Variants in GREB1 observed in about 807,000 individuals in gnomAD.
The protein encoded by GREB1 is protein GREB1.
In GREB1, 106 loss-of-function variants were observed where a neutral mutation model predicts 200.7. That is an observed-to-expected ratio of 0.53 (90% CI 0.45 to 0.62). GREB1 has a LOEUF of 0.62. Among genes scored for constraint, GREB1 ranks in the 20% least tolerant of loss-of-function variants. GREB1 has a pLI of 0.00. For synonymous variants in GREB1, 1,132 were observed against 1,092.4 expected, an observed-to-expected ratio of 1.04 and a Z score of -0.72; for missense variants, 2,243 against 2,556.8, an observed-to-expected ratio of 0.88 and a Z score of 2.65.
chr2:11,496,794 T>C (rs943531787), intron 1 of GREB1, among the ~76,000 whole-genome samples: 1 of 152,198 alleles, frequency 6.6e-6, no homozygotes, highest in Non-Finnish European at 1.5e-5. Context: ...TATGGCAACA[T>C]TGATACAGTC....
In GREB1 at chr2:11,638,697, G is replaced by T. The variant is rs977734422; in HGVS notation, c.5574G>T (p.Arg1858Ser). ...TTTCTGTTTGCTATGTGAGCTCCAG[G>T]CCCCACTCTTTAAACATCAGCTGCT... is the stretch of plus-strand genomic sequence containing the variant. ...SQISVCYVSS[R>S]PHSLNISCSD... Residue 1858 changes from arginine to serine, a missense_variant, in exon 32 of 33, where the codon AGG becomes AGT. Physicochemically the swap from Arg to Ser is moderately radical, Grantham distance 110. Coordinates refer to ENST00000381486, the MANE Select transcript of GREB1 (RefSeq NM_014668.4). The T allele has an allele frequency of 6.2e-7, 1 of 1,614,030 alleles. No individual in the cohort carries two copies. The highest frequency in any genetic ancestry group is 8.5e-7 in the Non-Finnish European group (1 of 1,179,952).
At position 11,630,113 on chromosome 2, in the gene GREB1, C is replaced by T. The variant is rs376810855; in HGVS notation, c.4611+4C>T. ...ACTACCCCTCGTGACAGACAAGGTA[C>T]TGGCTCAGAGACCTAGTGGGACAGA... On this transcript the variant is annotated splice_donor_region_variant and intron_variant, in intron 26 of 32. Coordinates refer to ENST00000381486, the MANE Select transcript of GREB1 (RefSeq NM_014668.4). 2 of 1,613,920 alleles carry T rather than the reference C, an allele frequency of 1.2e-6. No homozygotes were observed. The highest frequency in any genetic ancestry group is 2.7e-5 in the African/African-American group (2 of 74,922).
intron 17 of GREB1, among the ~76,000 whole-genome samples, chr2:11,609,045 T>A (rs752778808): frequency 6.6e-6 from 1 of 152,196 alleles, no homozygotes; most frequent in Non-Finnish European, 1.5e-5. Context: ...ATTGTTAGGA[T>A]CACTGTCTTT....
rs577215880 is a variant in GREB1, at chr2:11,578,131, C to G, written c.638-166C>G. 7.9e-5 allele frequency among the ~76,000 whole-genome samples: 12 copies of G among 152,306 alleles called. No homozygotes were observed. The East Asian group carries it at 2.3e-3, about 29-fold the overall frequency. ...ACGTAGCCACAAGTAGAGAGTCGCACCCCTGCCCTGGCTTCACGCTGAAAC... is the reference window on the plus strand; with the variant it reads ...ACGTAGCCACAAGTAGAGAGTCGCAGCCCTGCCCTGGCTTCACGCTGAAAC... On this transcript the variant is annotated intron_variant, in intron 5 of 32. Coordinates refer to ENST00000381486, the MANE Select transcript of GREB1 (RefSeq NM_014668.4).
chr2:11,588,324 A>T, intron 9 of GREB1: 1 of 1,124,406 alleles, frequency 8.9e-7, no homozygotes, highest in South Asian at 2.1e-5. Context: ...GCAGGGCAGA[A>T]TCCTCCCTGC....
intron 13 of GREB1, among the ~76,000 whole-genome samples, chr2:11,596,937 G>T (rs1681321204): frequency 6.6e-6 from 1 of 151,514 alleles, no homozygotes; most frequent in African/African-American, 2.4e-5. Context: ...AGGGGGCGGG[G>T]GCGCAGGTGT....
At chr2:11,510,450 T>C (rs76780702) in intron 1 of GREB1, among the ~76,000 whole-genome samples, 1 of 152,208 alleles carries the variant, frequency 6.6e-6, no homozygotes, top group African/African-American at 2.4e-5. Context: ...TGTAAAATGA[T>C]GACACCCTAA....
At position 11,610,746 on chromosome 2, in the gene GREB1, G is replaced by C. The variant is rs966154745; in HGVS notation, c.2725G>C (p.Ala909Pro). The C allele has an allele frequency of 1.2e-6, 2 of 1,613,408 alleles. No individual in the cohort carries two copies. Among genetic ancestry groups the C allele is most frequent in the Non-Finnish European group, 1.7e-6 (2 of 1,180,014 alleles). Residue 909 changes from alanine (A) to proline (P), a missense_variant, in exon 18 of 33, where the codon GCC becomes CCC. Coordinates refer to ENST00000381486, the MANE Select transcript of GREB1 (RefSeq NM_014668.4). The part of the protein sequence containing the change: ...RTFVLVQHYA[A>P]ALMAVSGLPQ... Reference sequence around the variant, plus strand: ...CTTTGTTCTCGTGCAGCACTACGCGGCCGCCCTGATGGCCGTAAGCGGCCT... The same window carrying C: ...CTTTGTTCTCGTGCAGCACTACGCGCCCGCCCTGATGGCCGTAAGCGGCCT...
intron 1 of GREB1, among the ~76,000 whole-genome samples, chr2:11,539,336 C>T (rs566021984): frequency 1.3e-5 from 2 of 152,120 alleles, no homozygotes; most frequent in Non-Finnish European, 2.9e-5. Context: ...CAGGTGTGAA[C>T]CATTGTGCCC....
rs1450411975 is a variant in GREB1 at position 11,592,833 on chromosome 2, G to A, written c.1403G>A (p.Arg468His). 5 of 1,591,894 alleles carry A rather than the reference G, an allele frequency of 3.1e-6. No homozygotes were observed. The highest frequency in any genetic ancestry group is 1.4e-5 in the African/African-American group (1 of 72,956). Residue 468 changes from arginine (R) to histidine (H), a missense_variant, in exon 11 of 33, where the codon CGC becomes CAC. By Grantham distance (29) the Arg-to-His change is conservative (BLOSUM62 0). Coordinates refer to ENST00000381486, the MANE Select transcript of GREB1 (RefSeq NM_014668.4). ...DLEQIFLRSW[R>H]ESHLTEIRQY... Reference sequence around the variant, plus strand: ...GAGCAGATCTTCCTGCGCTCTTGGCGCGAGTCGCACCTGACCGAGATCCGG... The same window carrying A: ...GAGCAGATCTTCCTGCGCTCTTGGCACGAGTCGCACCTGACCGAGATCCGG...
At chr2:11,564,708 C>T (rs1677444501) in intron 3 of GREB1, among the ~76,000 whole-genome samples, 1 of 152,222 alleles carries the variant, frequency 6.6e-6, no homozygotes, top group Non-Finnish European at 1.5e-5. Flanking sequence ...ACCTTGACCT[C>T]AGGGAATTGA....
At chr2:11,510,687 G>GTTTTT (rs1163551819) in intron 1 of GREB1, among the ~76,000 whole-genome samples, 2 of 101,040 alleles carry the variant, frequency 2.0e-5, no homozygotes, top group Admixed American at 1.6e-4. Flanking sequence ...TGAACATATG[G>GTTTTT]ATTTTTTTTT....
intron 1 of GREB1, among the ~76,000 whole-genome samples, chr2:11,500,319 G>A (rs985760150): frequency 6.6e-6 from 1 of 152,132 alleles, no homozygotes. Context: ...GTGCCACTAC[G>A]CCTGGCTAAT....
intron 9 of GREB1, 199 bp from the exon 10 acceptor site, chr2:11,588,547 A>T: frequency 1.5e-6 from 1 of 647,482 alleles, no homozygotes. Flanking sequence ...TTGGTTAGAA[A>T]AGGTGACTCC....
At chr2:11,579,475 A>G (rs934597320) in intron 6 of GREB1, among the ~76,000 whole-genome samples, 1 of 152,236 alleles carries the variant, frequency 6.6e-6, no homozygotes, top group East Asian at 1.9e-4. Flanking sequence ...AAGTACTCCA[A>G]GCGTGTTACA....
intron 30 of GREB1, among the ~76,000 whole-genome samples, chr2:11,636,159 T>C (rs1685301706): frequency 1.3e-5 from 2 of 152,210 alleles, no homozygotes; most frequent in African/African-American, 4.8e-5. Flanking sequence ...TTCCGGGAGT[T>C]GGGGGCCTCT....
intron 1 of GREB1, among the ~76,000 whole-genome samples, chr2:11,519,637 A>G (rs1486146350): frequency 1.3e-5 from 2 of 151,332 alleles, no homozygotes; most frequent in Non-Finnish European, 2.9e-5. Context: ...TGTGTTTCTT[A>G]GTAGAGATGG....
At chr2:11,487,413 A>G (rs1376774544) in intron 1 of GREB1, among the ~76,000 whole-genome samples, 1 of 152,210 alleles carries the variant, frequency 6.6e-6, no homozygotes, top group Non-Finnish European at 1.5e-5. Flanking sequence ...TATTTATGCC[A>G]TCATATTATG....
chr2:11,608,399 C>G (rs1031947731), intron 17 of GREB1, among the ~76,000 whole-genome samples: 1 of 152,260 alleles, frequency 6.6e-6, no homozygotes, highest in East Asian at 1.9e-4. Flanking sequence ...TGGTTCCCCC[C>G]CTTTATTATG....
Sources: allele counts gnomAD v4.1 joint callset (sites outside exome capture counted in the v4.1 genomes callset), GRCh38; gene constraint gnomAD v4.1.1; transcripts MANE v1.5; gene names NCBI Gene and HGNC (gene_info 2026-07-23, HGNC 2026-07-21).